CATSPERT: variants seen among roughly 807,000 people sequenced by gnomAD.
The protein encoded by CATSPERT is cation channel sperm-associated targeting subunit tau.
chr2:201,501,395 C>CAAAAAAAAAAAAA, the CATSPERT span, among the ~76,000 whole-genome samples: 1 of 46,590 alleles, frequency 2.1e-5, no homozygotes, highest in Non-Finnish European at 3.9e-5. Context: ...AACTCCATCT[C>CAAAAAAAAAAAAA]AAAAAAAAAA....
At chr2:201,586,065 C>G in the CATSPERT span, among the ~76,000 whole-genome samples, 28 of 152,352 alleles carry the variant, frequency 1.8e-4, no homozygotes, top group African/African-American at 6.5e-4. Flanking sequence ...TGATGATCCT[C>G]TTCCACTTAA....
the CATSPERT span, among the ~76,000 whole-genome samples, chr2:201,548,935 A>C: frequency 6.6e-6 from 1 of 152,088 alleles, no homozygotes. Flanking sequence ...GAATGCTCAA[A>C]ACTGACCAGC....
At chr2:201,596,273 C>A in the CATSPERT span, among the ~76,000 whole-genome samples, 4 of 152,114 alleles carry the variant, frequency 2.6e-5, no homozygotes, top group African/African-American at 9.7e-5. Context: ...ATATCCTTTC[C>A]AGGGGCATGG....
At chr2:201,492,236 G>C in the CATSPERT span, 1 of 1,519,238 alleles carries the variant, frequency 6.6e-7, no homozygotes, top group Admixed American at 2.2e-5. Flanking sequence ...TCTCTAAAAG[G>C]TAAATGTGTT....
At chr2:201,593,218 T>C in the CATSPERT span, among the ~76,000 whole-genome samples, 1 of 152,076 alleles carries the variant, frequency 6.6e-6, no homozygotes, top group South Asian at 2.1e-4. Context: ...CATCTTTATT[T>C]CTGCCTTCAT....
the CATSPERT span, among the ~76,000 whole-genome samples, chr2:201,579,052 G>A: frequency 6.6e-6 from 1 of 151,948 alleles, no homozygotes; most frequent in African/African-American, 2.4e-5. Flanking sequence ...CTATTTATAA[G>A]TTGCAATCAT....
the CATSPERT span, among the ~76,000 whole-genome samples, chr2:201,591,655 T>A: frequency 6.6e-6 from 1 of 152,218 alleles, no homozygotes; most frequent in Non-Finnish European, 1.5e-5. Context: ...TCCTCTTTTA[T>A]TTCCTTGCTC....
chr2:201,581,183 A>G, the CATSPERT span, among the ~76,000 whole-genome samples: 1 of 151,708 alleles, frequency 6.6e-6, no homozygotes, highest in Non-Finnish European at 1.5e-5. Flanking sequence ...AGGCGGGCAG[A>G]TTATTTGAAC....
At chr2:201,491,318 G>C in the CATSPERT span, 1 of 1,537,648 alleles carries the variant, frequency 6.5e-7, no homozygotes, top group Non-Finnish European at 8.7e-7. Context: ...CTTTCTTTTC[G>C]GACCTTGGGT....
the CATSPERT span, among the ~76,000 whole-genome samples, chr2:201,563,339 C>T: frequency 7.0e-6 from 1 of 142,156 alleles, no homozygotes; most frequent in East Asian, 2.1e-4. Context: ...ACCTCCCTCC[C>T]GGACTGGGCG....
chr2:201,593,487 G>A, the CATSPERT span, among the ~76,000 whole-genome samples: 1 of 140,854 alleles, frequency 7.1e-6, no homozygotes, highest in Non-Finnish European at 1.5e-5. Context: ...TTCTGTAGAT[G>A]TCTATTAGGT....
At chr2:201,561,325 A>G in the CATSPERT span, among the ~76,000 whole-genome samples, 6 of 152,254 alleles carry the variant, frequency 3.9e-5, no homozygotes, top group Admixed American at 3.9e-4. Flanking sequence ...CAAATAATGC[A>G]TTATTTAAGC....
the CATSPERT span, among the ~76,000 whole-genome samples, chr2:201,604,312 C>A: frequency 1.3e-5 from 2 of 152,168 alleles, no homozygotes; most frequent in East Asian, 3.9e-4. Flanking sequence ...GATTCCCAGG[C>A]TCCTCTCCTA....
chr2:201,571,261 A>G, the CATSPERT span, among the ~76,000 whole-genome samples: 36 of 152,240 alleles, frequency 2.4e-4, no homozygotes, highest in Non-Finnish European at 4.3e-4. Context: ...AGTGTTGGTG[A>G]GACTACGGGA....
At chr2:201,612,936 C>T in the CATSPERT span, among the ~76,000 whole-genome samples, 6 of 152,172 alleles carry the variant, frequency 3.9e-5, no homozygotes, top group African/African-American at 1.2e-4. Flanking sequence ...CCCACGCCCA[C>T]GGAGCTTTGC....
chr2:201,592,136 T>C, the CATSPERT span, among the ~76,000 whole-genome samples: 1 of 152,266 alleles, frequency 6.6e-6, no homozygotes, highest in South Asian at 2.1e-4. Flanking sequence ...CATAGATAGC[T>C]CTTATTATTT....
At chr2:201,516,930 C>CTTT in the CATSPERT span, among the ~76,000 whole-genome samples, 3 of 135,520 alleles carry the variant, frequency 2.2e-5, no homozygotes, top group Non-Finnish European at 1.6e-5. Context: ...AATAGGAAGG[C>CTTT]TTTTTTTTTT....
the CATSPERT span, among the ~76,000 whole-genome samples, chr2:201,517,649 C>T: frequency 1.3e-5 from 2 of 152,186 alleles, no homozygotes; most frequent in Non-Finnish European, 2.9e-5. Flanking sequence ...AGAGTGGGGG[C>T]CAAGGTTTCC....
the CATSPERT span, among the ~76,000 whole-genome samples, chr2:201,541,330 A>G: frequency 1.8e-4 from 27 of 151,924 alleles, no homozygotes; most frequent in Non-Finnish European, 3.5e-4. Flanking sequence ...GCTATCAAAC[A>G]CCATCGCATA....
Sources: gnomAD v4.1 joint callset for allele counts (sites outside exome capture counted in the v4.1 genomes callset) on GRCh38, gnomAD v4.1.1 for gene constraint, MANE v1.5 for transcripts, NCBI Gene and HGNC (gene_info 2026-07-23, HGNC 2026-07-21) for gene names.